PIGK: variants seen among roughly 807,000 people sequenced by gnomAD.
The protein encoded by PIGK is phosphatidylinositol glycan anchor biosynthesis class K.
In PIGK, 42 loss-of-function variants were observed where a neutral mutation model predicts 50.6. The observed-to-expected ratio is 0.83, with a 90% CI of 0.65 to 1.07. The LOEUF is 1.07. Ranked by LOEUF, PIGK falls within the 50% of genes least tolerant of loss-of-function variation. The probability of loss-of-function intolerance (pLI) is 0.00; values close to 1 mark genes in which losing one functional copy is unlikely to be tolerated. For synonymous variants in PIGK, 151 were observed against 156.0 expected (o/e 0.97, Z 0.24); for missense variants, 448 against 488.7 (o/e 0.92, Z 0.78).
intron 3 of PIGK, among the ~76,000 whole-genome samples, chr1:77,179,121 T>C (rs1829913): frequency 0.11 from 17,220 of 152,180 alleles, 1,327 homozygotes; most frequent in African/African-American, 0.21. Context: ...CCAGGTTTGT[T>C]TTCCTCCTGT....
chr1:77,143,653 T>C (rs1031641290), intron 9 of PIGK, among the ~76,000 whole-genome samples: 13 of 152,142 alleles, frequency 8.5e-5, no homozygotes, highest in Non-Finnish European at 2.9e-5. Context: ...ATAACCTACC[T>C]TGATCGCCAG....
At chr1:77,096,234 T>C (rs1030357963) in intron 10 of PIGK, among the ~76,000 whole-genome samples, 4 of 152,152 alleles carry the variant, frequency 2.6e-5, no homozygotes, top group African/African-American at 9.7e-5. Context: ...GAACATAGTG[T>C]TCTAAGCACA....
chr1:77,099,191 G>T (rs1557790972), intron 10 of PIGK, among the ~76,000 whole-genome samples: 1 of 152,128 alleles, frequency 6.6e-6, no homozygotes, highest in South Asian at 2.1e-4. Context: ...ATGATTTGGA[G>T]ATGCTTATAC....
rs1299762190 is a variant in PIGK at position 77,122,458 on chromosome 1, T to C, written c.987-99A>G. On this transcript the variant is annotated intron_variant, in intron 9 of 10. Coordinates refer to ENST00000370812, the MANE Select transcript of PIGK (RefSeq NM_005482.3). ...CAAATATGAAATATAGTAAAATGCATAGATTTTTTTTGAAATAATCAGTAT... is the reference window on the plus strand; with the variant it reads ...CAAATATGAAATATAGTAAAATGCACAGATTTTTTTTGAAATAATCAGTAT... The C allele has an allele frequency of 4.4e-6, 3 of 688,870 alleles. No individual in the cohort carries two copies. The East Asian group carries it at 8.3e-5, about 19-fold the overall frequency. The allele number at this position is 688,870 out of a possible 1,614,324, so 42.7% of individuals were successfully genotyped here.
chr1:77,216,790 G>T (rs1195683872), intron 1 of PIGK, among the ~76,000 whole-genome samples: 1 of 152,128 alleles, frequency 6.6e-6, no homozygotes, highest in Non-Finnish European at 1.5e-5. Context: ...TGAAATTGCG[G>T]TAAGTCATTT....
At chr1:77,131,204 C>T (rs950415693) in intron 9 of PIGK, among the ~76,000 whole-genome samples, 4 of 151,510 alleles carry the variant, frequency 2.6e-5, no homozygotes, top group Admixed American at 2.6e-4. Flanking sequence ...TCTATAGACA[C>T]ATGCATATAT....
intron 9 of PIGK, among the ~76,000 whole-genome samples, chr1:77,124,643 A>G (rs1053207315): frequency 6.6e-6 from 1 of 151,752 alleles, no homozygotes; most frequent in Non-Finnish European, 1.5e-5. Flanking sequence ...ACACACACGC[A>G]GCAACAAAAG....
At chr1:77,182,044 T>C (rs1655627520) in intron 3 of PIGK, among the ~76,000 whole-genome samples, 1 of 152,352 alleles carries the variant, frequency 6.6e-6, no homozygotes, top group East Asian at 1.9e-4. Context: ...TCTGTACTCA[T>C]ATTATCAGAA....
rs757705538 is a variant in PIGK, at chr1:77,154,633, T to C, written c.814-12A>G. On this transcript the variant is annotated splice_polypyrimidine_tract_variant and intron_variant, in intron 8 of 10. Coordinates refer to ENST00000370812, the MANE Select transcript of PIGK (RefSeq NM_005482.3). The stretch of plus-strand genomic sequence containing the variant: ...GGACATACCTGAAACTGAAAAAATA[T>C]ATAATAATAAATGCATGCATCCACA... The C allele has an allele frequency of 1.3e-6, 2 of 1,568,300 alleles. No homozygotes were observed. Among genetic ancestry groups the C allele is most frequent in the Non-Finnish European group, 1.7e-6 (2 of 1,143,380 alleles).
At chr1:77,172,971 AC>A (rs2100563465) in intron 3 of PIGK, among the ~76,000 whole-genome samples, 1 of 152,210 alleles carries the variant, frequency 6.6e-6, no homozygotes, top group East Asian at 1.9e-4. Flanking sequence ...TTTGTGTTCT[AC>A]CCCTTTGTTT....
chr1:77,214,077 C>A (rs1352619175), intron 1 of PIGK, among the ~76,000 whole-genome samples: 1 of 152,142 alleles, frequency 6.6e-6, no homozygotes, highest in Admixed American at 6.6e-5. Context: ...AACGGGATGG[C>A]TTCACTGCTG....
At chr1:77,133,459 A>C (rs996827153) in intron 9 of PIGK, among the ~76,000 whole-genome samples, 1 of 152,064 alleles carries the variant, frequency 6.6e-6, no homozygotes, top group Non-Finnish European at 1.5e-5. Flanking sequence ...ACTACCTCCA[A>C]GTTCTGGATC....
intron 3 of PIGK, among the ~76,000 whole-genome samples, chr1:77,175,868 T>G (rs541461316): frequency 9.3e-4 from 142 of 152,276 alleles, no homozygotes; most frequent in Non-Finnish European, 1.7e-3. Flanking sequence ...AATCTCACCT[T>G]ATGGCCAAAC....
chr1:77,108,675 C>A (rs1414621692), intron 10 of PIGK, among the ~76,000 whole-genome samples: 1 of 152,182 alleles, frequency 6.6e-6, no homozygotes, highest in African/African-American at 2.4e-5. Context: ...GGAAAATATC[C>A]TGCAGAGTGT....
chr1:77,198,021 T>C (rs944353700), intron 3 of PIGK, among the ~76,000 whole-genome samples: 3 of 152,032 alleles, frequency 2.0e-5, no homozygotes, highest in Admixed American at 1.3e-4. Context: ...CAAATGGAAA[T>C]AAATAGCTCT....
Position 77,207,518 on chromosome 1 carries a change from A to G in PIGK, c.148-787T>C, listed in dbSNP as rs1472527620. Among the ~76,000 whole-genome samples the G allele has an allele frequency of 2.6e-5, 4 of 152,236 alleles. No homozygotes were observed. The East Asian group carries it at 7.7e-4, about 29-fold the overall frequency. On this transcript the variant is annotated intron_variant, in intron 2 of 10. Coordinates refer to ENST00000370812, the MANE Select transcript of PIGK (RefSeq NM_005482.3). ...ACATATAAAACAGTTGTAAATGTACATAAGAGAGTGCATTATAAAGAAGCT... is the reference window on the plus strand; with the variant it reads ...ACATATAAAACAGTTGTAAATGTACGTAAGAGAGTGCATTATAAAGAAGCT...
chr1:77,177,284 A>G (rs1156816049), intron 3 of PIGK, among the ~76,000 whole-genome samples: 1 of 152,228 alleles, frequency 6.6e-6, no homozygotes, highest in African/African-American at 2.4e-5. Flanking sequence ...GCCATAAACA[A>G]AATCTCTGCA....
chr1:77,199,462 CTA>C (rs988336528), intron 3 of PIGK, among the ~76,000 whole-genome samples: 83 of 152,062 alleles, frequency 5.5e-4, no homozygotes, highest in African/African-American at 1.8e-3. Flanking sequence ...TTCACAATAA[CTA>C]TGATTGTACA....
intron 3 of PIGK, among the ~76,000 whole-genome samples, chr1:77,183,544 C>T (rs1216218432): frequency 1.3e-5 from 2 of 152,142 alleles, no homozygotes; most frequent in Non-Finnish European, 2.9e-5. Flanking sequence ...AGGTGCACTA[C>T]ACTTGAAGTG....
Sources: gnomAD v4.1 joint callset for allele counts (sites outside exome capture counted in the v4.1 genomes callset) on GRCh38, gnomAD v4.1.1 for gene constraint, MANE v1.5 for transcripts, NCBI Gene and HGNC (gene_info 2026-07-23, HGNC 2026-07-21) for gene names.